Variants in LRIF1 observed in about 807,000 individuals in gnomAD.
LRIF1 encodes ligand-dependent nuclear receptor-interacting factor 1.
LRIF1 carries 32 observed loss-of-function variants against 52.7 expected under a neutral mutation model. That is an observed-to-expected ratio of 0.61 (90% CI 0.46 to 0.82). The LOEUF (loss-of-function observed/expected upper bound fraction) is 0.82, where lower values mean the gene tolerates loss of function less well. Among genes scored for constraint, LRIF1 ranks in the 40% least tolerant of loss-of-function variants. The pLI is 0.00. For missense variants in LRIF1, 887 were observed against 892.0 expected (o/e 0.99, Z 0.07); for synonymous variants, 323 against 317.4 (o/e 1.02, Z -0.19).
the LRIF1 span, among the ~76,000 whole-genome samples, chr1:110,876,669 T>C: frequency 6.6e-6 from 1 of 152,064 alleles, no homozygotes; most frequent in African/African-American, 2.4e-5. Flanking sequence ...TTTAGTCTTC[T>C]TAAAATAACT....
the LRIF1 span, among the ~76,000 whole-genome samples, chr1:110,881,069 G>A: frequency 2.6e-5 from 4 of 152,190 alleles, no homozygotes; most frequent in African/African-American, 4.8e-5. Context: ...AATACAGGGG[G>A]TGTTGCCATG....
intron 1 of LRIF1, among the ~76,000 whole-genome samples, chr1:110,957,816 T>C (rs1283793266): frequency 6.6e-6 from 1 of 152,212 alleles, no homozygotes; most frequent in Middle Eastern, 3.2e-3. Flanking sequence ...CCACAGAACC[T>C]TGCATATGTC....
At chr1:110,887,944 T>A in the LRIF1 span, among the ~76,000 whole-genome samples, 57 of 152,154 alleles carry the variant, frequency 3.7e-4, no homozygotes, top group African/African-American at 1.3e-3. Context: ...CGAAATGGGG[T>A]GATTATCCTG....
chr1:110,913,360 G>C, the LRIF1 span, among the ~76,000 whole-genome samples: 1 of 152,024 alleles, frequency 6.6e-6, no homozygotes, highest in African/African-American at 2.4e-5. Context: ...TGCACAGCAA[G>C]AGAAACGATC....
chr1:110,896,750 T>C, the LRIF1 span: 4 of 1,607,144 alleles, frequency 2.5e-6, no homozygotes, highest in African/African-American at 2.7e-5. Context: ...TTGTCGGCAA[T>C]GTTTCTGTTA....
chr1:110,954,971 T>C (rs2101114781), intron 1 of LRIF1, among the ~76,000 whole-genome samples: 1 of 152,344 alleles, frequency 6.6e-6, no homozygotes, highest in South Asian at 2.1e-4. Context: ...TCTCAATGCA[T>C]AACTTCAATT....
At chr1:110,902,802 A>G in the LRIF1 span, among the ~76,000 whole-genome samples, 1 of 152,198 alleles carries the variant, frequency 6.6e-6, no homozygotes, top group African/African-American at 2.4e-5. Context: ...AACACAAAAA[A>G]CCACCTTCGT....
At chr1:110,893,865 T>G in the LRIF1 span, among the ~76,000 whole-genome samples, 1 of 152,192 alleles carries the variant, frequency 6.6e-6, no homozygotes, top group Non-Finnish European at 1.5e-5. Context: ...GAAACAAATA[T>G]GAGTTAGAAC....
chr1:110,952,295 G>A lies in LRIF1; in HGVS notation c.589C>T (p.Pro197Ser), dbSNP rs1000974329. The change falls in exon 2 of 4, where the codon CCA (proline) becomes TCA (serine). Residue 197 changes from proline to serine, a missense_variant. Coordinates refer to ENST00000369763, the MANE Select transcript of LRIF1 (RefSeq NM_018372.4). ...IPAHAEVKSV[P>S]ASSLPPSVQQ... ...ACTGAAGGAGGCAATGATGACGCTG[G>A]TACAGATTTCACTTCAGCATGGGCT... 6 of 1,614,038 alleles carry A rather than the reference G, an allele frequency of 3.7e-6. No homozygotes were observed. Among genetic ancestry groups the A allele is most frequent in the Non-Finnish European group, 5.1e-6 (6 of 1,180,016 alleles).
chr1:110,952,996 C>CA, intron 1 of LRIF1, 181 bp from the exon 2 acceptor site: 1 of 272,234 alleles, frequency 3.7e-6, no homozygotes, highest in Non-Finnish European at 6.6e-6. Context: ...ATGATATAGT[C>CA]AACTGCTTAT....
At chr1:110,876,655 A>C in the LRIF1 span, among the ~76,000 whole-genome samples, 2 of 152,066 alleles carry the variant, frequency 1.3e-5, no homozygotes, top group Non-Finnish European at 2.9e-5. Flanking sequence ...GAATTATTCC[A>C]TAGTTTAGTC....
chr1:110,928,234 A>G, the LRIF1 span, among the ~76,000 whole-genome samples: 1 of 152,128 alleles, frequency 6.6e-6, no homozygotes, highest in South Asian at 2.1e-4. Flanking sequence ...TTGCTTTCTT[A>G]CCAACAAAAA....
chr1:110,902,501 A>G, the LRIF1 span, among the ~76,000 whole-genome samples: 12 of 145,510 alleles, frequency 8.2e-5, no homozygotes, highest in African/African-American at 2.7e-4. Context: ...TCACTAAAAA[A>G]AAAAAAAAAA....
At chr1:110,884,730 T>A in the LRIF1 span, among the ~76,000 whole-genome samples, 1 of 152,148 alleles carries the variant, frequency 6.6e-6, no homozygotes, top group Non-Finnish European at 1.5e-5. Flanking sequence ...TCTGTAATAG[T>A]GTTTGTTTTA....
the LRIF1 span, among the ~76,000 whole-genome samples, chr1:110,888,919 C>T: frequency 6.6e-6 from 1 of 152,136 alleles, no homozygotes; most frequent in African/African-American, 2.4e-5. Flanking sequence ...GCTTTTATGT[C>T]CTCCACCATG....
At chr1:110,962,258 A>C (rs1304545247) in intron 1 of LRIF1, among the ~76,000 whole-genome samples, 1 of 152,138 alleles carries the variant, frequency 6.6e-6, no homozygotes, top group Non-Finnish European at 1.5e-5. Flanking sequence ...ATATGTACAC[A>C]GGGCACTCTC....
At chr1:110,933,674 A>T in the LRIF1 span, among the ~76,000 whole-genome samples, 9 of 152,212 alleles carry the variant, frequency 5.9e-5, no homozygotes, top group African/African-American at 2.2e-4. Context: ...CACCCATCCC[A>T]GAGGTCGAAA....
At chr1:110,958,762 A>G (rs1658824398) in intron 1 of LRIF1, among the ~76,000 whole-genome samples, 1 of 152,226 alleles carries the variant, frequency 6.6e-6, no homozygotes, top group South Asian at 2.1e-4. Flanking sequence ...TGCAGGGTAG[A>G]TTATCCTATT....
chr1:110,925,076 C>T, the LRIF1 span, among the ~76,000 whole-genome samples: 2 of 152,104 alleles, frequency 1.3e-5, no homozygotes, highest in South Asian at 2.1e-4. Flanking sequence ...TATGTATCAA[C>T]TTGGCTAGGT....
Sources: gnomAD v4.1 joint callset for allele counts (sites outside exome capture counted in the v4.1 genomes callset) on GRCh38, gnomAD v4.1.1 for gene constraint, MANE v1.5 for transcripts, NCBI Gene and HGNC (gene_info 2026-07-23, HGNC 2026-07-21) for gene names.